SMCHD1: variants seen among roughly 807,000 people sequenced by gnomAD.
SMCHD1 encodes the protein structural maintenance of chromosomes flexible hinge domain containing 1.
SMCHD1 carries 78 observed loss-of-function variants against 254.7 expected under a neutral mutation model. The ratio of observed to expected loss-of-function variants is 0.31; its 90% CI spans 0.26 to 0.37. The LOEUF (loss-of-function observed/expected upper bound fraction) is 0.37. Among genes scored for constraint, SMCHD1 ranks in the 10% least tolerant of loss-of-function variants. SMCHD1 has a pLI of 1.00. For missense variants in SMCHD1, 1,840 were observed against 2,408.1 expected, an observed-to-expected ratio of 0.76 and a Z score of 4.94; for synonymous variants, 766 against 794.9, an observed-to-expected ratio of 0.96 and a Z score of 0.61.
intron 45 of SMCHD1, among the ~76,000 whole-genome samples, chr18:2,786,672 A>G (rs1181520900): frequency 6.6e-6 from 1 of 152,180 alleles, no homozygotes; most frequent in Non-Finnish European, 1.5e-5. Context: ...AGTCTGGGTG[A>G]CAAGAGCAAA....
At chr18:2,695,028 C>T (rs1401046959) in intron 8 of SMCHD1, among the ~76,000 whole-genome samples, 5 of 142,180 alleles carry the variant, frequency 3.5e-5, no homozygotes, top group African/African-American at 1.1e-4. Flanking sequence ...TAGGACCTGT[C>T]GTAATCTTCC....
intron 1 of SMCHD1, among the ~76,000 whole-genome samples, chr18:2,662,196 TAAATAAAGAAAGAAAGAAAGAAAGAAAG>T (rs2073297670): frequency 1.3e-5 from 1 of 79,818 alleles, no homozygotes; most frequent in Non-Finnish European, 2.2e-5. Context: ...AATAAATAAA[TAAATAAAGAAAGAAAGAAAGAAAGAAAG>T]AAAAAATAAT....
At position 2,674,002 on chromosome 18, in the gene SMCHD1, T is replaced by C. The variant is rs988755761; in HGVS notation, c.508-13T>C. ...GACTTTTCCTGTCTTTTTGAACTTA[T>C]TTTGTTTCATAGCTTTTTGATGAAA... On this transcript the variant is annotated splice_polypyrimidine_tract_variant and intron_variant, in intron 4 of 47. Transcript: ENST00000320876. The C allele has an allele frequency of 8.9e-6, 14 of 1,565,112 alleles. No individual in the cohort carries two copies. Among genetic ancestry groups the C allele is most frequent in the Admixed American group, 8.2e-5 (4 of 48,930 alleles).
chr18:2,696,978 TTAACTA>T (rs1373110243), intron 8 of SMCHD1, 48 bp from the exon 9 acceptor site: 123 of 812,808 alleles, frequency 1.5e-4, no homozygotes, highest in Non-Finnish European at 3.6e-5. Context: ...GAAGATTACA[TTAACTA>T]TAATTTTATG....
rs2076385862 is a variant in SMCHD1, at chr18:2,802,659, G to A, written c.*107G>A. The A allele has an allele frequency of 1.9e-6, 2 of 1,034,648 alleles. No individual in the cohort carries two copies. The highest frequency in any genetic ancestry group is 1.8e-5 in the South Asian group (1 of 55,954). 64.1% of individuals were successfully genotyped at this position (1,034,648 alleles called of 1,614,324 possible). On this transcript the variant is annotated 3_prime_UTR_variant, in exon 48 of 48. Coordinates refer to ENST00000320876, the MANE Select transcript of SMCHD1 (RefSeq NM_015295.3). Reference sequence around the variant, plus strand: ...GACTTACCAGACTGAGTATTTCTGGGGACAATACAAGTACCTGGGCATGAA... The same window carrying A: ...GACTTACCAGACTGAGTATTTCTGGAGACAATACAAGTACCTGGGCATGAA...
Position 2,656,025 on chromosome 18 carries a change from C to A in SMCHD1, c.-51C>A, listed in dbSNP as rs577235627. On this transcript the variant is annotated 5_prime_UTR_variant, in exon 1 of 48. Coordinates refer to ENST00000320876, the MANE Select transcript of SMCHD1 (RefSeq NM_015295.3). ...GCGCCGCGCGGAGCGCGCACCTCAG[C>A]CCTGAGCCCGGCGGCGGCAGGCGTC... The A allele has an allele frequency of 3.1e-5, 40 of 1,299,982 alleles. No homozygotes were observed. The African/African-American group carries it at 5.4e-4, about 18-fold the overall frequency. The allele number at this position is 1,299,982 out of a possible 1,614,324, so 80.5% of individuals were successfully genotyped here.
In SMCHD1 at chr18:2,732,372, C is replaced by A; in HGVS notation, c.3156C>A (p.Ile1052=). 6.2e-7 allele frequency: 1 copy of A among 1,613,574 alleles called. No individual in the cohort carries two copies. The highest frequency in any genetic ancestry group is 1.1e-5 in the South Asian group (1 of 91,048). The part of the protein sequence containing the change: ...FSVEGQKAIQ[I]KHQDEVNWIA... Reference sequence around the variant, plus strand: ...TAGAAGGACAAAAGGCAATTCAGATCAAACATCAGGATGAGGTTAATTGGA... The same window carrying A: ...TAGAAGGACAAAAGGCAATTCAGATAAAACATCAGGATGAGGTTAATTGGA... The change falls in exon 25 of 48, where the codon ATC becomes ATA. Residue 1052 remains isoleucine (I), a synonymous_variant. Coordinates refer to ENST00000320876, the MANE Select transcript of SMCHD1 (RefSeq NM_015295.3).
intron 1 of SMCHD1, among the ~76,000 whole-genome samples, chr18:2,662,581 C>T (rs1217984249): frequency 6.9e-6 from 1 of 145,852 alleles, no homozygotes; most frequent in Non-Finnish European, 1.5e-5. Flanking sequence ...GGCGGCGGAG[C>T]TTGCAGTGAG....
At chr18:2,678,840 TTTG>T (rs374854978) in intron 5 of SMCHD1, among the ~76,000 whole-genome samples, 122,962 of 147,968 alleles carry the variant, frequency 0.83, 54,136 homozygotes, top group East Asian at 1. Context: ...TTTTTTTTTG[TTTG>T]TTTGTTTTTT....
intron 37 of SMCHD1, among the ~76,000 whole-genome samples, chr18:2,769,470 C>T (rs574799488): frequency 2.0e-5 from 3 of 152,156 alleles, no homozygotes; most frequent in Non-Finnish European, 2.9e-5. Context: ...TTTATTGATA[C>T]GATCATTTGG....
intron 45 of SMCHD1, among the ~76,000 whole-genome samples, chr18:2,795,321 C>T (rs11662074): frequency 0.29 from 44,152 of 151,760 alleles, 6,594 homozygotes; most frequent in East Asian, 0.5. Flanking sequence ...AACCTTGCAA[C>T]GTGCTGGGAT....
At chr18:2,778,280 T>C in intron 44 of SMCHD1, 41 bp downstream of exon 44, 1 of 1,377,434 alleles carries the variant, frequency 7.3e-7, no homozygotes. Flanking sequence ...GACTTCAGTT[T>C]TAATGTGTAT....
chr18:2,766,057 G>A (rs1051336079), intron 37 of SMCHD1, among the ~76,000 whole-genome samples: 17 of 151,268 alleles, frequency 1.1e-4, no homozygotes, highest in African/African-American at 3.9e-4. Context: ...GCAGTGGCGC[G>A]ATTGCCCCTC....
chr18:2,778,237 G>A lies in SMCHD1; in HGVS notation c.5545G>A (p.Glu1849Lys), dbSNP rs776455179. 52 of 1,602,008 alleles carry A rather than the reference G, an allele frequency of 3.2e-5. No individual in the cohort carries two copies. The highest frequency in any genetic ancestry group is 4.4e-5 in the Non-Finnish European group (52 of 1,171,624). ...NLDAANHYRK[E>K]VVKITHCPTL... ...GGATGCGGCCAATCATTATAGAAAA[G>A]AGGTATGTATTTGATTTCTTTTTAA... Residue 1849 changes from glutamate to lysine, a missense_variant and splice_region_variant, in exon 44 of 48, where the codon GAG (glutamate) becomes AAG (lysine). Coordinates refer to ENST00000320876, the MANE Select transcript of SMCHD1 (RefSeq NM_015295.3).
rs1199357412 is a variant in SMCHD1, at chr18:2,750,166, G to A, written c.4007+44G>A. 12 of 1,534,234 alleles carry A rather than the reference G, an allele frequency of 7.8e-6. 1 individual carries two copies. The highest frequency in any genetic ancestry group is 3.4e-4 in the Middle Eastern group (2 of 5,912). On this transcript the variant is annotated intron_variant, in intron 31 of 47. Transcript: ENST00000320876. ...ATAGTTGTTGGTGTTATAGAGATTC[G>A]TTTTTCTTACTGCTTGCCGAAGTTA...
intron 44 of SMCHD1, among the ~76,000 whole-genome samples, chr18:2,782,761 A>AG (rs1476651085): frequency 6.6e-6 from 1 of 150,786 alleles, no homozygotes; most frequent in African/African-American, 2.4e-5. Flanking sequence ...AAAAAAAAAA[A>AG]AAAAAAAAAA....
At chr18:2,759,519 A>T (rs1598412664) in intron 34 of SMCHD1, among the ~76,000 whole-genome samples, 1 of 38,026 alleles carries the variant, frequency 2.6e-5, no homozygotes, top group African/African-American at 9.4e-5. Context: ...AGCTGTTTTC[A>T]TCATGAAGGG....
At chr18:2,768,664 TATAGTGTAC>T (rs1032604290) in intron 37 of SMCHD1, among the ~76,000 whole-genome samples, 6 of 105,246 alleles carry the variant, frequency 5.7e-5, no homozygotes, top group African/African-American at 1.8e-4. Context: ...TAGTATAGTA[TATAGTGTAC>T]TATATACTAT....
At chr18:2,679,842 T>C (rs1313937223) in intron 5 of SMCHD1, among the ~76,000 whole-genome samples, 1 of 152,220 alleles carries the variant, frequency 6.6e-6, no homozygotes, top group Non-Finnish European at 1.5e-5. Flanking sequence ...ACTCCTCTTA[T>C]CCATATACTT....
Sources: gnomAD v4.1 joint callset for allele counts (sites outside exome capture counted in the v4.1 genomes callset) on GRCh38, gnomAD v4.1.1 for gene constraint, MANE v1.5 for transcripts, NCBI Gene and HGNC (gene_info 2026-07-23, HGNC 2026-07-21) for gene names.